DIAPH2: variants seen among roughly 807,000 people sequenced by gnomAD.
DIAPH2 encodes the protein diaphanous related formin 2.
Under a neutral mutation model 92.7 loss-of-function variants are expected in DIAPH2, and 35 were observed. The ratio of observed to expected loss-of-function variants is 0.38; its 90% CI spans 0.29 to 0.50. The LOEUF (loss-of-function observed/expected upper bound fraction) is 0.50. Ranked by LOEUF, DIAPH2 falls within the 20% of genes least tolerant of loss-of-function variation. The pLI is 0.94. For synonymous variants in DIAPH2, 301 were observed against 280.4 expected, an observed-to-expected ratio of 1.07 and a Z score of -0.73; for missense variants, 701 against 819.5, an observed-to-expected ratio of 0.86 and a Z score of 1.77.
At chrX:97,537,808 G>A (rs780125683) in intron 26 of DIAPH2, among the ~76,000 whole-genome samples, 1 of 111,167 alleles carries the variant, frequency 9.0e-6, no homozygotes, top group African/African-American at 3.3e-5. Context: ...ATTTGAAATC[G>A]AAGCCTTGAT....
chrX:97,488,585 TA>T (rs1227309563), intron 26 of DIAPH2, among the ~76,000 whole-genome samples: 1 of 111,985 alleles, frequency 8.9e-6, no homozygotes, highest in African/African-American at 3.2e-5. Flanking sequence ...GTTTAGGTCT[TA>T]CGTTTAAATC....
At chrX:97,189,530 G>C (rs1299304886) in intron 22 of DIAPH2, among the ~76,000 whole-genome samples, 1 of 101,317 alleles carries the variant, frequency 9.9e-6, no homozygotes, top group Non-Finnish European at 2.0e-5. Context: ...TTAGGATATG[G>C]ATAGTGAATT....
In DIAPH2 at chrX:97,603,416, C is replaced by G. The variant is rs2071606035; in HGVS notation, c.*4099C>G. 1 of 110,426 alleles carries G rather than the reference C, an allele frequency of 9.1e-6. No individual in the cohort carries two copies. The highest frequency in any genetic ancestry group is 3.3e-5 in the African/African-American group (1 of 30,304). The allele number at this position is 110,426 out of a possible 1,213,427, so 9.1% of individuals were successfully genotyped here. ...GGGTCTACAGGTGCATGCCACCATG[C>G]CTGGCTAATTTTTTGCATTTTTTTG... On this transcript the variant is annotated 3_prime_UTR_variant, in exon 27 of 27. Transcript: ENST00000324765.
intron 22 of DIAPH2, among the ~76,000 whole-genome samples, chrX:97,235,601 CAAAA>C (rs10563336): frequency 1.2e-3 from 66 of 53,353 alleles, no homozygotes; most frequent in African/African-American, 4.4e-3. Flanking sequence ...GAGACTACGT[CAAAA>C]AAAAAAAAAA....
At chrX:96,878,636 T>A (rs1242481458) in intron 4 of DIAPH2, among the ~76,000 whole-genome samples, 2 of 111,533 alleles carry the variant, frequency 1.8e-5, no homozygotes, top group Admixed American at 1.9e-4. Context: ...TTCTAAGACT[T>A]GGGTGGGGAG....
chrX:96,880,206 G>T (rs972595536), intron 4 of DIAPH2, among the ~76,000 whole-genome samples: 1 of 111,422 alleles, frequency 9.0e-6, no homozygotes, highest in Non-Finnish European at 1.9e-5. Context: ...ATTCATGACC[G>T]GTGTTAGTTA....
intron 4 of DIAPH2, among the ~76,000 whole-genome samples, chrX:96,790,348 G>A (rs2147636839): frequency 9.0e-6 from 1 of 111,711 alleles, no homozygotes; most frequent in East Asian, 2.8e-4. Flanking sequence ...TGGAATTACA[G>A]GCATGAGCCA....
At chrX:97,330,620 T>A (rs2068993249) in intron 23 of DIAPH2, among the ~76,000 whole-genome samples, 1 of 109,369 alleles carries the variant, frequency 9.1e-6, no homozygotes, top group South Asian at 4.0e-4. Context: ...TCAAGTGATT[T>A]TCCTGCCTCA....
chrX:97,481,633 T>C (rs915038591), intron 26 of DIAPH2, among the ~76,000 whole-genome samples: 4 of 111,702 alleles, frequency 3.6e-5, no homozygotes, highest in Non-Finnish European at 5.6e-5. Flanking sequence ...GACTCAAGTT[T>C]GGTCAAAGGA....
At chrX:96,698,022 A>G (rs1251150242) in intron 1 of DIAPH2, among the ~76,000 whole-genome samples, 4 of 111,605 alleles carry the variant, frequency 3.6e-5, no homozygotes, top group African/African-American at 1.3e-4. Context: ...AGCCTGTGAT[A>G]GCCCACCACT....
chrX:96,964,420 T>A (rs1372668761), intron 16 of DIAPH2, among the ~76,000 whole-genome samples: 1 of 111,552 alleles, frequency 9.0e-6, no homozygotes, highest in African/African-American at 3.3e-5. Context: ...TAATGGTAGT[T>A]ATACATCACA....
chrX:96,975,629 C>T (rs1047671749), intron 17 of DIAPH2, among the ~76,000 whole-genome samples: 3 of 111,929 alleles, frequency 2.7e-5, no homozygotes, highest in African/African-American at 9.7e-5. Flanking sequence ...TCACAAAATA[C>T]CATAAATTGG....
rs762998615 is a variant in DIAPH2 at position 97,376,804 on chromosome X, A to G, written c.3010-7105A>G. On this transcript the variant is annotated intron_variant, in intron 24 of 26. Coordinates refer to ENST00000324765, the MANE Select transcript of DIAPH2 (RefSeq NM_006729.5). ...ACAAACCTAGATGCTATGGCCTACT[A>G]TACATTTAGACTATACGGTATACGT... Among the ~76,000 whole-genome samples, 23 of 111,994 alleles carry G rather than the reference A, an allele frequency of 2.1e-4. 1 individual carries two copies. Among genetic ancestry groups the G allele is most frequent in the Middle Eastern group, 4.7e-3 (1 of 212 alleles).
Position 97,265,476 on chromosome X carries a change from G to T in DIAPH2, c.2844+17637G>T, listed in dbSNP as rs1210474758. On this transcript the variant is annotated intron_variant, in intron 23 of 26. Transcript: ENST00000324765. Reference sequence around the variant, plus strand: ...TATGTTGTGCTAAGTGCTATGGAAGGAAATAAAACCAGGTTATGTGATGGT... The same window carrying T: ...TATGTTGTGCTAAGTGCTATGGAAGTAAATAAAACCAGGTTATGTGATGGT... 2.3e-4 allele frequency among the ~76,000 whole-genome samples: 26 copies of T among 111,716 alleles called. 1 individual carries two copies. In the Admixed American group the frequency reaches 2.5e-3, roughly 11 times the overall value.
chrX:97,249,114 C>G (rs1216623869), intron 23 of DIAPH2, among the ~76,000 whole-genome samples: 1 of 109,357 alleles, frequency 9.1e-6, no homozygotes, highest in African/African-American at 3.3e-5. Context: ...GGAAACACCA[C>G]CTCCTTTTTC....
chrX:96,715,742 G>C (rs1602448237), intron 1 of DIAPH2, among the ~76,000 whole-genome samples: 1 of 111,349 alleles, frequency 9.0e-6, no homozygotes, highest in South Asian at 3.8e-4. Flanking sequence ...TTTCATGTTT[G>C]TTTAATGATG....
chrX:97,438,338 GTTTTTTTTTTTTGTTTGTTTGTTTTT>G (rs2070211485), intron 26 of DIAPH2, among the ~76,000 whole-genome samples: 1 of 53,760 alleles, frequency 1.9e-5, no homozygotes, highest in African/African-American at 7.5e-5. Context: ...GCAGCTTCTT[GTTTTTTTTTTTTGTTTGTTTGTTTTT>G]TTTTTTTTTT....
At chrX:97,433,177 A>G (rs1206452460) in intron 26 of DIAPH2, among the ~76,000 whole-genome samples, 3 of 110,961 alleles carry the variant, frequency 2.7e-5, no homozygotes, top group African/African-American at 9.8e-5. Flanking sequence ...AAGGTAGACT[A>G]TCATATCAGT....
chrX:96,899,057 G>A (rs1038386484), intron 5 of DIAPH2, among the ~76,000 whole-genome samples: 11 of 110,375 alleles, frequency 1.0e-4, no homozygotes, highest in East Asian at 5.7e-4. Context: ...CATTATTTCC[G>A]AGGGCTCTGT....
Sources: gnomAD v4.1 joint callset for allele counts (sites outside exome capture counted in the v4.1 genomes callset) on GRCh38, gnomAD v4.1.1 for gene constraint, MANE v1.5 for transcripts, NCBI Gene and HGNC (gene_info 2026-07-23, HGNC 2026-07-21) for gene names.